ABCC10: variants seen among roughly 807,000 people sequenced by gnomAD.
ABCC10 encodes ATP binding cassette subfamily C member 10.
Under a neutral mutation model 143.2 loss-of-function variants are expected in ABCC10, and 110 were observed. The observed-to-expected ratio is 0.77, with a 90% CI of 0.66 to 0.90. The LOEUF is 0.90. Ranked by LOEUF, ABCC10 falls within the 40% of genes least tolerant of loss-of-function variation. The pLI is 0.00. For missense variants in ABCC10, 1,700 were observed against 1,900.5 expected, an observed-to-expected ratio of 0.89 and a Z score of 1.96; for synonymous variants, 805 against 846.7, an observed-to-expected ratio of 0.95 and a Z score of 0.85.
intron 17 of ABCC10, 132 bp from the exon 18 acceptor site, chr6:43,447,552 C>A (rs1783238533): frequency 3.9e-6 from 6 of 1,553,974 alleles, no homozygotes; most frequent in Non-Finnish European, 5.2e-6. Context: ...CACCATGTCC[C>A]TTCTTCCCCA....
At chr6:43,441,066 G>A (rs1782397938) in intron 8 of ABCC10, among the ~76,000 whole-genome samples, 1 of 152,098 alleles carries the variant, frequency 6.6e-6, no homozygotes, top group South Asian at 2.1e-4. Context: ...TCATGCCACT[G>A]CACTCCAGCC....
chr6:43,444,108 T>G, intron 11 of ABCC10, 51 bp from the exon 12 acceptor site: 1 of 1,611,090 alleles, frequency 6.2e-7, no homozygotes, highest in Non-Finnish European at 8.5e-7. Flanking sequence ...TACTGAGTTT[T>G]CAGCTGGCAC....
chr6:43,428,048 A>T lies in ABCC10; in HGVS notation c.70A>T (p.Thr24Ser). 2 of 1,597,138 alleles carry T rather than the reference A, an allele frequency of 1.3e-6. No individual in the cohort carries two copies. Among genetic ancestry groups the T allele is most frequent in the African/African-American group, 1.3e-5 (1 of 74,786 alleles). Residue 24 changes from threonine to serine, a missense_variant, in exon 2 of 22, where the codon ACC becomes TCC. By Grantham distance (58) the Thr-to-Ser change is moderately conservative. Transcript: ENST00000372530. Reference protein sequence around the residue: ...AWPLPLWEGDTTGHCFTQLVL... With the variant: ...AWPLPLWEGDSTGHCFTQLVL... ...GCCGCTCCCGCTGTGGGAGGGGGACACCACAGGCCACTGCTTCACCCAGCT... is the reference window on the plus strand; with the variant it reads ...GCCGCTCCCGCTGTGGGAGGGGGACTCCACAGGCCACTGCTTCACCCAGCT...
Position 43,449,582 on chromosome 6 carries a change from C to T in ABCC10, c.4316+48C>T, listed in dbSNP as rs1268633159. On this transcript the variant is annotated intron_variant, in intron 21 of 21. Coordinates refer to ENST00000372530, the MANE Select transcript of ABCC10 (RefSeq NM_001198934.2). ...CCTAATCAGGGACTGTGGTAGCATG[C>T]ACCGAGAGCCTCCGTTGCTTTCAGG... The T allele has an allele frequency of 2.7e-6, 4 of 1,497,036 alleles. No individual in the cohort carries two copies. The South Asian group carries it at 3.6e-5, about 13-fold the overall frequency. 92.7% of individuals were successfully genotyped at this position (1,497,036 alleles called of 1,614,324 possible).
chr6:43,441,250 G>A (rs1782425449), intron 8 of ABCC10, among the ~76,000 whole-genome samples: 1 of 151,888 alleles, frequency 6.6e-6, no homozygotes, highest in Non-Finnish European at 1.5e-5. Context: ...GGCCAAGGTG[G>A]GTGGATCACA....
In ABCC10 at chr6:43,436,265, C is replaced by G; in HGVS notation, c.1875+18C>G. 1 of 1,611,278 alleles carries G rather than the reference C, an allele frequency of 6.2e-7. No homozygotes were observed. Among genetic ancestry groups the G allele is most frequent in the Non-Finnish European group, 8.5e-7 (1 of 1,178,664 alleles). On this transcript the variant is annotated intron_variant, in intron 6 of 21. Coordinates refer to ENST00000372530, the MANE Select transcript of ABCC10 (RefSeq NM_001198934.2). Reference sequence around the variant, plus strand: ...TGAAAAAGGTTTGTTGGACAGACACCCTGGGAGAGTCCTCAGACTAACGAG... The same window carrying G: ...TGAAAAAGGTTTGTTGGACAGACACGCTGGGAGAGTCCTCAGACTAACGAG...
At chr6:43,428,208 C>T (rs923867061) in intron 2 of ABCC10, 69 bp downstream of exon 2, 6 of 1,429,366 alleles carry the variant, frequency 4.2e-6, no homozygotes, top group Non-Finnish European at 5.6e-6. Context: ...CCTACATCTT[C>T]CGGCAGTGTC....
In ABCC10 at chr6:43,446,308, C is replaced by G; in HGVS notation, c.3406C>G (p.Leu1136Val). 6.2e-7 allele frequency: 1 copy of G among 1,613,936 alleles called. No homozygotes were observed. The highest frequency in any genetic ancestry group is 8.5e-7 in the Non-Finnish European group (1 of 1,179,914). Reference sequence around the variant, plus strand: ...GGAGGAGAACCTGCGACTCCTTGAGCTAAACCAGAGGTGCCAGTTTGCCAC... The same window carrying G: ...GGAGGAGAACCTGCGACTCCTTGAGGTAAACCAGAGGTGCCAGTTTGCCAC... Reference protein sequence around the residue: ...FEEENLRLLELNQRCQFATSA... With the variant: ...FEEENLRLLEVNQRCQFATSA... Residue 1136 changes from leucine (L) to valine (V), a missense_variant, in exon 16 of 22, where the codon CTA (leucine) becomes GTA (valine). By Grantham distance (32) the Leu-to-Val change is conservative. Coordinates refer to ENST00000372530, the MANE Select transcript of ABCC10 (RefSeq NM_001198934.2).
intron 17 of ABCC10, 60 bp downstream of exon 17, chr6:43,447,468 T>G (rs903641328): frequency 1.3e-6 from 2 of 1,578,580 alleles, no homozygotes; most frequent in African/African-American, 2.7e-5. Context: ...CCAGTCTCCC[T>G]CACAATTCCT....
In ABCC10 at chr6:43,445,100, C is replaced by T. The variant is rs375611886; in HGVS notation, c.2841-25C>T. ...CCCGAGTGGCCCTAGTTTTGGTTAC[C>T]GACAGCCCCCTCCTCACCACCCAGC... On this transcript the variant is annotated intron_variant, in intron 13 of 21. Transcript: ENST00000372530. 9.9e-6 allele frequency: 16 copies of T among 1,611,408 alleles called. No homozygotes were observed. The African/African-American group carries it at 1.1e-4, about 11-fold the overall frequency.
chr6:43,432,973 C>G lies in ABCC10; in HGVS notation c.993C>G (p.Ala331=), dbSNP rs781216160. 2 of 1,614,004 alleles carry G rather than the reference C, an allele frequency of 1.2e-6. No homozygotes were observed. Among genetic ancestry groups the G allele is most frequent in the Non-Finnish European group, 1.7e-6 (2 of 1,180,032 alleles). The change falls in exon 3 of 22, where the codon GCC becomes GCG. Residue 331 remains alanine, a synonymous_variant. Transcript: ENST00000372530. The stretch of plus-strand genomic sequence containing the variant: ...GCCTGCTCTATGCTCTGGGGCTAGC[C>G]GGTGGGGCTGTGCTGGGTGCTGTGC... ...SHGLLYALGL[A]GGAVLGAVLQ...
In ABCC10 at chr6:43,443,101, G is replaced by A. The variant is rs770341552; in HGVS notation, c.2358G>A (p.Glu786=). 6 of 1,611,872 alleles carry A rather than the reference G, an allele frequency of 3.7e-6. No homozygotes were observed. Among genetic ancestry groups the A allele is most frequent in the East Asian group, 2.2e-5 (1 of 44,854 alleles). ...GGCTGCTCTGCACCCACCGCACTGA[G>A]TACCTGGAGAGGGCTGACGCGGTGC... ...TTRLLCTHRT[E]YLERADAVLL... The change falls in exon 10 of 22, where the codon GAG becomes GAA. Residue 786 remains glutamate, a synonymous_variant. Coordinates refer to ENST00000372530, the MANE Select transcript of ABCC10 (RefSeq NM_001198934.2). The surrounding 1 kb of genome is among the most constrained non-coding windows in gnomAD (Gnocchi z 4.2).
intron 7 of ABCC10, 27 bp downstream of exon 7, chr6:43,438,040 CCTTA>C: frequency 6.2e-7 from 1 of 1,601,836 alleles, no homozygotes; most frequent in Non-Finnish European, 8.5e-7. Context: ...GCACCCCTGT[CCTTA>C]CTTTGTCCTT....
At chr6:43,427,882 G>C in intron 1 of ABCC10, 86 bp from the exon 2 acceptor site, 1 of 1,491,782 alleles carries the variant, frequency 6.7e-7, no homozygotes, top group African/African-American at 1.4e-5. Context: ...TCCAGGGCGG[G>C]GCTGGAGACA....
At position 43,429,358 on chromosome 6, in the gene ABCC10, C is replaced by CG. The variant is rs1361184554; in HGVS notation, c.161+1219_161+1220insG. ...TTTCTTTTCCTTCTTTCTTTTCTTT[C>CG]TTTCTTTTCTTTCTTGTGTGTGTGT... On this transcript the variant is annotated intron_variant, in intron 2 of 21. Coordinates refer to ENST00000372530, the MANE Select transcript of ABCC10 (RefSeq NM_001198934.2). Among the ~76,000 whole-genome samples the CG allele has an allele frequency of 1.5e-4, 11 of 71,898 alleles. No homozygotes were observed. The East Asian group carries it at 2.5e-3, about 16-fold the overall frequency. The allele number at this position is 71,898 out of a possible 152,430, so 47.2% of individuals were successfully genotyped here. A position where few individuals can be genotyped will look rare whatever the true frequency, so the allele number is the denominator to read the frequency against.
At chr6:43,444,101 TGA>T (rs1782764418) in intron 11 of ABCC10, 56 bp from the exon 12 acceptor site, 1 of 1,609,586 alleles carries the variant, frequency 6.2e-7, no homozygotes, top group Non-Finnish European at 8.5e-7. Flanking sequence ...TCTGAAATAC[TGA>T]GTTTTCAGCT....
chr6:43,449,294 G>A (rs1290544663), intron 20 of ABCC10, 90 bp downstream of exon 20: 5 of 1,524,718 alleles, frequency 3.3e-6, no homozygotes, highest in African/African-American at 2.8e-5. Context: ...GGTTTTAGGG[G>A]ACCAAGTTCA....
rs139401278 is a variant in ABCC10, at chr6:43,439,789, G to A, written c.2127+994G>A. On this transcript the variant is annotated intron_variant, in intron 8 of 21. Coordinates refer to ENST00000372530, the MANE Select transcript of ABCC10 (RefSeq NM_001198934.2). ...AGTAGAAACAGGGTTTCACCATGTT[G>A]GCCAGAATGGTCTCCATCTCCTGAC... 2.0e-3 allele frequency among the ~76,000 whole-genome samples: 307 copies of A among 152,046 alleles called. 2 individuals are homozygous for A. Among genetic ancestry groups the A allele is most frequent in the East Asian group, 6.8e-3 (35 of 5,156 alleles).
downstream of ABCC10, chr6:43,451,325 G>A: frequency 1.3e-6 from 2 of 1,578,378 alleles, no homozygotes; most frequent in Non-Finnish European, 1.7e-6. This position sits in a 1 kb window ranked among gnomAD's most constrained non-coding sequence, Gnocchi z 4.4. Context: ...AACACCTGTA[G>A]GGCAGCCCAG....
Sources: gnomAD v4.1 joint callset for allele counts (sites outside exome capture counted in the v4.1 genomes callset) on GRCh38, gnomAD v4.1.1 for gene constraint, Gnocchi (gnomAD v3.1) non-coding constraint, MANE v1.5 for transcripts, NCBI Gene and HGNC (gene_info 2026-07-23, HGNC 2026-07-21) for gene names.